Variants in ENDOD1 observed in about 807,000 individuals in gnomAD.
The protein encoded by ENDOD1 is endonuclease domain-containing 1 protein.
In ENDOD1, 9 loss-of-function variants were observed where a neutral mutation model predicts 6.5. The observed-to-expected ratio is 1.39, with a 90% CI of 0.84 to 2.43. ENDOD1 has a LOEUF of 2.43. Ranked by LOEUF, ENDOD1 falls within the 30% of genes most tolerant of loss-of-function variation. The pLI is 0.00. For missense variants in ENDOD1, 648 were observed against 635.5 expected, an observed-to-expected ratio of 1.02 and a Z score of -0.21; for synonymous variants, 255 against 255.2, an observed-to-expected ratio of 1.00 and a Z score of 0.01.
chr11:95,113,691 A>G (rs1859172473), intron 1 of ENDOD1, among the ~76,000 whole-genome samples: 1 of 152,210 alleles, frequency 6.6e-6, no homozygotes, highest in South Asian at 2.1e-4. Flanking sequence ...GCTATTGTGA[A>G]CAGTGCTGCA....
At chr11:95,117,581 T>C (rs1156895270) in intron 1 of ENDOD1, among the ~76,000 whole-genome samples, 1 of 152,248 alleles carries the variant, frequency 6.6e-6, no homozygotes, top group Non-Finnish European at 1.5e-5. Flanking sequence ...GCATAGTGAC[T>C]CCTGCTCTTT....
At position 95,129,291 on chromosome 11, in the gene ENDOD1, G is replaced by A. The variant is rs1351816997; in HGVS notation, c.1215G>A (p.Val405=). 1 of 1,614,024 alleles carries A rather than the reference G, an allele frequency of 6.2e-7. No homozygotes were observed. The highest frequency in any genetic ancestry group is 1.3e-5 in the African/African-American group (1 of 74,894). The change falls in exon 2 of 2, where the codon GTG becomes GTA. Residue 405 remains valine, a synonymous_variant. Coordinates refer to ENST00000278505, the MANE Select transcript of ENDOD1 (RefSeq NM_015036.3). The stretch of plus-strand genomic sequence containing the variant: ...TTCCCTGGAAGGTGCTCAAGGTCGT[G>A]GCCAAAGTCATCAGGGCTCTCCTCC... ...VSIPWKVLKV[V]AKVIRALLRI...
Position 95,090,160 on chromosome 11 carries a change from A to T in ENDOD1, c.233A>T (p.Tyr78Phe). 1 of 1,466,714 alleles carries T rather than the reference A, an allele frequency of 6.8e-7. No homozygotes were observed. The highest frequency in any genetic ancestry group is 9.1e-7 in the Non-Finnish European group (1 of 1,097,282). The allele number at this position is 1,466,714 out of a possible 1,614,324, so 90.9% of individuals were successfully genotyped here. A position where few individuals can be genotyped will look rare whatever the true frequency, so the allele number is the denominator to read the frequency against. ...LYSTRDRIPV[Y>F]SAFRAPRPAP... ...AGCACCCGGGACCGCATCCCCGTGT[A>T]CTCCGCGTTCCGCGCCCCGCGCCCT... is the stretch of plus-strand genomic sequence containing the variant. Residue 78 changes from tyrosine (Y) to phenylalanine (F), a missense_variant, in exon 1 of 2, where the codon TAC becomes TTC. Coordinates refer to ENST00000278505, the MANE Select transcript of ENDOD1 (RefSeq NM_015036.3).
At chr11:95,110,235 G>T (rs1859133988) in intron 1 of ENDOD1, among the ~76,000 whole-genome samples, 1 of 152,186 alleles carries the variant, frequency 6.6e-6, no homozygotes, top group Non-Finnish European at 1.5e-5. Context: ...GCCCTCATCT[G>T]CCCTCCTTTC....
chr11:95,119,762 C>T (rs1182254116), intron 1 of ENDOD1, among the ~76,000 whole-genome samples: 3 of 152,232 alleles, frequency 2.0e-5, no homozygotes, highest in Admixed American at 1.3e-4. Context: ...CAGTGAGTTC[C>T]CCCAGGCCCT....
intron 1 of ENDOD1, among the ~76,000 whole-genome samples, chr11:95,103,166 T>G (rs1859058473): frequency 6.6e-6 from 1 of 150,766 alleles, no homozygotes; most frequent in South Asian, 2.1e-4. Context: ...AACCATTCAT[T>G]TCTACAATAA....
At chr11:95,113,347 C>G (rs1555112145) in intron 1 of ENDOD1, among the ~76,000 whole-genome samples, 1 of 152,076 alleles carries the variant, frequency 6.6e-6, no homozygotes, top group Non-Finnish European at 1.5e-5. Context: ...ATTATTCTTT[C>G]TTTCTATTTT....
At chr11:95,127,842 CT>C (rs1859326236) in intron 1 of ENDOD1, among the ~76,000 whole-genome samples, 1 of 152,108 alleles carries the variant, frequency 6.6e-6, no homozygotes, top group South Asian at 2.1e-4. Flanking sequence ...TCACTGCAAC[CT>C]CTGCCTCCCC....
intron 1 of ENDOD1, among the ~76,000 whole-genome samples, chr11:95,095,051 A>G (rs933245303): frequency 2.0e-5 from 3 of 150,752 alleles, no homozygotes; most frequent in African/African-American, 4.9e-5. Context: ...ACGCACACAC[A>G]CACACACACA....
chr11:95,117,914 G>T (rs58986435), intron 1 of ENDOD1, among the ~76,000 whole-genome samples: 8,675 of 151,806 alleles, frequency 0.057, 325 homozygotes, highest in African/African-American at 0.1. Flanking sequence ...TTTTATTTTT[G>T]GTGTATCTGC....
rs187324325 is a variant in ENDOD1, at chr11:95,121,853, A to G, written c.301-6524A>G. On this transcript the variant is annotated intron_variant, in intron 1 of 1. Transcript: ENST00000278505. ...AGAAAGAAATTTTTCCATTGAATAC[A>G]GGAACTGTATCAAATTACATTGACA... Among the ~76,000 whole-genome samples, 7 of 152,320 alleles carry G rather than the reference A, an allele frequency of 4.6e-5. No homozygotes were observed. The East Asian group carries it at 1.3e-3, about 29-fold the overall frequency.
intron 1 of ENDOD1, among the ~76,000 whole-genome samples, chr11:95,114,597 C>T (rs117020613): frequency 0.03 from 4,583 of 152,158 alleles, 105 homozygotes; most frequent in Non-Finnish European, 0.044. Context: ...ATAAAGTTTC[C>T]CCAGTGTTTT....
intron 1 of ENDOD1, among the ~76,000 whole-genome samples, chr11:95,124,259 C>A (rs546191280): frequency 8.7e-4 from 132 of 152,204 alleles, no homozygotes; most frequent in African/African-American, 3.1e-3. Flanking sequence ...GGAAAATTTT[C>A]TTCATCATTC....
chr11:95,115,279 C>T (rs1337419850), intron 1 of ENDOD1, among the ~76,000 whole-genome samples: 3 of 150,966 alleles, frequency 2.0e-5, no homozygotes, highest in African/African-American at 7.3e-5. Flanking sequence ...TTTTCTGTTC[C>T]TTTTTCTGAT....
chr11:95,120,983 G>T (rs932157326), intron 1 of ENDOD1, among the ~76,000 whole-genome samples: 1 of 152,152 alleles, frequency 6.6e-6, no homozygotes, highest in African/African-American at 2.4e-5. Flanking sequence ...CGCAGTTGCT[G>T]TACTCCCCTC....
At chr11:95,111,371 G>A (rs1487043051) in intron 1 of ENDOD1, among the ~76,000 whole-genome samples, 2 of 152,112 alleles carry the variant, frequency 1.3e-5, no homozygotes, top group African/African-American at 2.4e-5. Context: ...GGAGCAGGGG[G>A]ATGGTTTCGG....
chr11:95,122,589 TACACACACACAC>T (rs55940348), intron 1 of ENDOD1, among the ~76,000 whole-genome samples: 4 of 142,814 alleles, frequency 2.8e-5, no homozygotes, highest in East Asian at 4.3e-4. Context: ...GCATTTAAGT[TACACACACACAC>T]ACACACACAC....
intron 1 of ENDOD1, among the ~76,000 whole-genome samples, chr11:95,106,869 A>G (rs915159923): frequency 1.3e-5 from 2 of 151,960 alleles, no homozygotes; most frequent in Admixed American, 6.6e-5. Flanking sequence ...GTGAAAATGC[A>G]TATGGAGGTC....
At chr11:95,095,760 T>C (rs996342427) in intron 1 of ENDOD1, among the ~76,000 whole-genome samples, 18 of 152,208 alleles carry the variant, frequency 1.2e-4, no homozygotes, top group African/African-American at 3.6e-4. Flanking sequence ...AGGTTCGGAG[T>C]AGTTAAGTAA....
Sources: gnomAD v4.1 joint callset for allele counts (sites outside exome capture counted in the v4.1 genomes callset) on GRCh38, gnomAD v4.1.1 for gene constraint, MANE v1.5 for transcripts, NCBI Gene and HGNC (gene_info 2026-07-23, HGNC 2026-07-21) for gene names.